BEND5: variants seen among roughly 807,000 people sequenced by gnomAD.
BEND5 encodes BEN domain-containing protein 5.
A neutral mutation model predicts 43.9 loss-of-function variants in BEND5; 22 were observed. The observed-to-expected ratio is 0.50, with a 90% CI of 0.36 to 0.72. BEND5 has a LOEUF of 0.72. Ranked by LOEUF, BEND5 falls within the 30% of genes least tolerant of loss-of-function variation. The probability of loss-of-function intolerance (pLI) is 0.00; values close to 1 mark genes in which losing one functional copy is unlikely to be tolerated. For missense variants in BEND5, 428 were observed against 550.6 expected (o/e 0.78, Z 2.23); for synonymous variants, 228 against 225.9 (o/e 1.01, Z -0.08).
At chr1:48,752,613 T>C (rs999651924) in intron 3 of BEND5, among the ~76,000 whole-genome samples, 5 of 152,184 alleles carry the variant, frequency 3.3e-5, no homozygotes, top group African/African-American at 9.7e-5. Flanking sequence ...TGTAGGACAA[T>C]GGGTGCCTAT....
chr1:48,751,881 G>C lies in BEND5; in HGVS notation c.745+7019C>G. On this transcript the variant is annotated intron_variant, in intron 3 of 5. Transcript: ENST00000371833. Reference sequence around the variant, plus strand: ...GGGGAAGGAGGGTCCTGAATTGTTCGGCCACCCTGAAATCAACTTTTAAAA... The same window carrying C: ...GGGGAAGGAGGGTCCTGAATTGTTCCGCCACCCTGAAATCAACTTTTAAAA... Among the ~76,000 whole-genome samples the C allele has an allele frequency of 2.0e-5, 3 of 152,224 alleles. No homozygotes were observed. The South Asian group carries it at 6.2e-4, about 32-fold the overall frequency.
chr1:48,754,131 G>C (rs1000512862), intron 3 of BEND5, among the ~76,000 whole-genome samples: 1 of 152,184 alleles, frequency 6.6e-6, no homozygotes, highest in Non-Finnish European at 1.5e-5. Context: ...GGTACTTACA[G>C]TGTAACAAAC....
At chr1:48,758,676 G>A (rs531022836) in intron 3 of BEND5, among the ~76,000 whole-genome samples, 2 of 152,284 alleles carry the variant, frequency 1.3e-5, no homozygotes, top group East Asian at 3.9e-4. Context: ...TCTGACCCAT[G>A]TTCGCCAATG....
Position 48,755,594 on chromosome 1 carries a change from G to C in BEND5, c.745+3306C>G, listed in dbSNP as rs372946825. Among the ~76,000 whole-genome samples the C allele has an allele frequency of 9.2e-5, 14 of 152,316 alleles. No individual in the cohort carries two copies. In the East Asian group the frequency reaches 1.5e-3, roughly 17 times the overall value. On this transcript the variant is annotated intron_variant, in intron 3 of 5. Coordinates refer to ENST00000371833, the MANE Select transcript of BEND5 (RefSeq NM_024603.4). The stretch of plus-strand genomic sequence containing the variant: ...TGTTTCTCAGAGGGCAACTGAAGCC[G>C]AGAGTCAAACAAGGGTCTCTCATTC...
intron 3 of BEND5, among the ~76,000 whole-genome samples, chr1:48,748,256 G>T (rs1023112362): frequency 6.6e-6 from 1 of 152,212 alleles, no homozygotes; most frequent in Non-Finnish European, 1.5e-5. Context: ...GACCCTCTCA[G>T]AAGTCATCAG....
intron 3 of BEND5, among the ~76,000 whole-genome samples, chr1:48,745,024 T>C (rs1294102712): frequency 6.6e-6 from 1 of 152,250 alleles, no homozygotes; most frequent in African/African-American, 2.4e-5. Context: ...GTGACTACTT[T>C]TAGCAAATTA....
chr1:48,771,654 A>T (rs1339485221), intron 1 of BEND5, among the ~76,000 whole-genome samples: 1 of 152,204 alleles, frequency 6.6e-6, no homozygotes. Flanking sequence ...CAAGAAAATA[A>T]ATCCTTTTGT....
intron 5 of BEND5, among the ~76,000 whole-genome samples, chr1:48,735,515 AAAGGAAGGAAGT>A (rs367776763): frequency 0.043 from 6,568 of 151,404 alleles, 279 homozygotes; most frequent in African/African-American, 0.11. Flanking sequence ...AGGAGGGAAG[AAAGGAAGGAAGT>A]AAGGAAGGAA....
intron 5 of BEND5, among the ~76,000 whole-genome samples, chr1:48,730,845 G>C (rs1243661311): frequency 6.6e-6 from 1 of 152,176 alleles, no homozygotes; most frequent in Non-Finnish European, 1.5e-5. Context: ...ACGCAATGCT[G>C]AGGCTCATTT....
rs1478561600 is a variant in BEND5 at position 48,759,288 on chromosome 1, T to A, written c.361-4A>T. Reference sequence around the variant, plus strand: ...TCGGCTTCCGCCCCTCAGGTCTCTGTGTAGGACAACGAGAATCAGTTCAGG... The same window carrying A: ...TCGGCTTCCGCCCCTCAGGTCTCTGAGTAGGACAACGAGAATCAGTTCAGG... On this transcript the variant is annotated splice_polypyrimidine_tract_variant and splice_region_variant and intron_variant, in intron 2 of 5. Coordinates refer to ENST00000371833, the MANE Select transcript of BEND5 (RefSeq NM_024603.4). The A allele has an allele frequency of 1.9e-6, 3 of 1,552,458 alleles. No homozygotes were observed. Among genetic ancestry groups the A allele is most frequent in the Non-Finnish European group, 2.6e-6 (3 of 1,147,838 alleles).
At chr1:48,768,157 A>G (rs895101025) in intron 1 of BEND5, among the ~76,000 whole-genome samples, 1 of 126,058 alleles carries the variant, frequency 7.9e-6, no homozygotes, top group African/African-American at 3.0e-5. Flanking sequence ...AACTTCCTCA[A>G]ATGAACTAAA....
In BEND5 at chr1:48,776,878, G is replaced by C. The variant is rs369089302; in HGVS notation, c.-47C>G. On this transcript the variant is annotated 5_prime_UTR_variant, in exon 1 of 6. Transcript: ENST00000371833. Reference sequence around the variant, plus strand: ...CCGGTCGGGCAGCTCAGCCCGCGGGGCGGGCGCGGAGGTGGGGATCCGGCG... The same window carrying C: ...CCGGTCGGGCAGCTCAGCCCGCGGGCCGGGCGCGGAGGTGGGGATCCGGCG... 5 of 1,366,988 alleles carry C rather than the reference G, an allele frequency of 3.7e-6. No individual in the cohort carries two copies. The East Asian group carries it at 1.5e-4, about 42-fold the overall frequency. 84.7% of individuals were successfully genotyped at this position (1,366,988 alleles called of 1,614,324 possible).
intron 3 of BEND5, among the ~76,000 whole-genome samples, chr1:48,751,078 G>A (rs1651662470): frequency 6.6e-6 from 1 of 152,148 alleles, no homozygotes; most frequent in Non-Finnish European, 1.5e-5. Flanking sequence ...GCATAGATAT[G>A]TCTTTTCCCC....
chr1:48,761,246 A>AT (rs1393840416), intron 2 of BEND5, 91 bp downstream of exon 2: 4 of 1,319,438 alleles, frequency 3.0e-6, no homozygotes, highest in Non-Finnish European at 4.1e-6. Context: ...GGACATTTAC[A>AT]TGGGGAGAGG....
intron 5 of BEND5, among the ~76,000 whole-genome samples, chr1:48,729,673 C>T (rs182357831): frequency 1.0e-3 from 155 of 152,222 alleles, no homozygotes; most frequent in Non-Finnish European, 1.7e-3. Context: ...CTGAGCCCTT[C>T]CCTGGGCACA....
At chr1:48,742,034 G>A (rs1311953002) in intron 4 of BEND5, among the ~76,000 whole-genome samples, 1 of 152,198 alleles carries the variant, frequency 6.6e-6, no homozygotes, top group East Asian at 1.9e-4. Flanking sequence ...TTGTTTTCAA[G>A]GTCATATAAA....
chr1:48,742,030 T>C (rs942467071), intron 4 of BEND5, among the ~76,000 whole-genome samples: 3 of 152,240 alleles, frequency 2.0e-5, no homozygotes, highest in Non-Finnish European at 4.4e-5. Flanking sequence ...TGATTTGTTT[T>C]CAAGGTCATA....
intron 4 of BEND5, among the ~76,000 whole-genome samples, chr1:48,737,198 C>T (rs1325256595): frequency 2.0e-5 from 3 of 152,086 alleles, no homozygotes; most frequent in Admixed American, 6.5e-5. Context: ...GCAAGAGAAT[C>T]GCTTGAACCT....
intron 3 of BEND5, among the ~76,000 whole-genome samples, chr1:48,758,189 A>C (rs1354903290): frequency 6.6e-6 from 1 of 152,226 alleles, no homozygotes; most frequent in Non-Finnish European, 1.5e-5. Flanking sequence ...TCCTAAGGTC[A>C]TGTGCCTCCC....
Sources: allele counts gnomAD v4.1 joint callset (sites outside exome capture counted in the v4.1 genomes callset), GRCh38; gene constraint gnomAD v4.1.1; transcripts MANE v1.5; gene names NCBI Gene and HGNC (gene_info 2026-07-23, HGNC 2026-07-21).